The following KCNIP4 variants were observed in gnomAD, a reference collection of about 807,000 sequenced individuals.
KCNIP4 encodes the protein potassium voltage-gated channel interacting protein 4.
Under a neutral mutation model 34.0 loss-of-function variants are expected in KCNIP4, and 12 were observed. The ratio of observed to expected loss-of-function variants is 0.35; its 90% CI spans 0.23 to 0.57. The LOEUF (loss-of-function observed/expected upper bound fraction) is 0.57, where lower values mean the gene tolerates loss of function less well. KCNIP4 is among the 20% of genes least tolerant of loss of function. The pLI is 0.83. For missense variants in KCNIP4, 238 were observed against 311.7 expected (o/e 0.76, Z 1.78); for synonymous variants, 124 against 102.2 (o/e 1.21, Z -1.29).
intron 3 of KCNIP4, among the ~76,000 whole-genome samples, chr4:20,838,453 T>A (rs1719328071): frequency 6.6e-6 from 1 of 152,114 alleles, no homozygotes; most frequent in African/African-American, 2.4e-5. Flanking sequence ...AAATCCAACT[T>A]CTCCTTTTGC....
intron 3 of KCNIP4, among the ~76,000 whole-genome samples, chr4:20,840,808 G>C (rs546463404): frequency 2.6e-5 from 4 of 152,154 alleles, no homozygotes; most frequent in African/African-American, 9.7e-5. Flanking sequence ...ATATGGTGAC[G>C]TGCTGGATAC....
chr4:21,335,612 T>C (rs572896696), intron 1 of KCNIP4, among the ~76,000 whole-genome samples: 2 of 152,266 alleles, frequency 1.3e-5, no homozygotes, highest in South Asian at 4.1e-4. Context: ...CAAACATTAG[T>C]ACAAGAAAAT....
At chr4:21,737,230 A>C (rs1716055225) in intron 1 of KCNIP4, among the ~76,000 whole-genome samples, 1 of 152,144 alleles carries the variant, frequency 6.6e-6, no homozygotes, top group African/African-American at 2.4e-5. Context: ...ACCAATCAAA[A>C]TTTAATGTTC....
At chr4:20,753,972 A>G (rs964380670) in intron 4 of KCNIP4, among the ~76,000 whole-genome samples, 1 of 152,204 alleles carries the variant, frequency 6.6e-6, no homozygotes, top group South Asian at 2.1e-4. Flanking sequence ...TGTAGACAAC[A>G]TAAGTGCATT....
intron 1 of KCNIP4, among the ~76,000 whole-genome samples, chr4:20,923,691 C>T (rs930950313): frequency 6.6e-6 from 1 of 152,176 alleles, no homozygotes; most frequent in Admixed American, 6.5e-5. Flanking sequence ...CTTATTTCTA[C>T]AAAACAATAA....
At chr4:20,791,988 T>G (rs1276862930) in intron 3 of KCNIP4, among the ~76,000 whole-genome samples, 1 of 152,184 alleles carries the variant, frequency 6.6e-6, no homozygotes, top group Non-Finnish European at 1.5e-5. Context: ...CACAGACATG[T>G]AAATCAGTTC....
chr4:21,275,344 T>C (rs1762378536), intron 1 of KCNIP4, among the ~76,000 whole-genome samples: 2 of 152,156 alleles, frequency 1.3e-5, no homozygotes, highest in Non-Finnish European at 2.9e-5. Flanking sequence ...AGTACACTGT[T>C]ATGAGCCCAT....
intron 1 of KCNIP4, among the ~76,000 whole-genome samples, chr4:21,530,418 T>C (rs968239953): frequency 3.9e-5 from 6 of 152,310 alleles, no homozygotes; most frequent in African/African-American, 1.4e-4. Flanking sequence ...AAGTTTTTAT[T>C]CTTTAAATAT....
At chr4:20,827,356 A>G (rs1194189928) in intron 3 of KCNIP4, among the ~76,000 whole-genome samples, 3 of 152,200 alleles carry the variant, frequency 2.0e-5, no homozygotes, top group South Asian at 4.1e-4. Flanking sequence ...CTTGACTTGC[A>G]GATGACTAGC....
chr4:20,972,115 C>A (rs887098381), intron 1 of KCNIP4, among the ~76,000 whole-genome samples: 2 of 152,104 alleles, frequency 1.3e-5, no homozygotes, highest in Non-Finnish European at 2.9e-5. Flanking sequence ...GCTATTTCCA[C>A]CACATTTACA....
chr4:21,574,204 A>T (rs1302926842), intron 1 of KCNIP4, among the ~76,000 whole-genome samples: 1 of 152,156 alleles, frequency 6.6e-6, no homozygotes, highest in Non-Finnish European at 1.5e-5. Flanking sequence ...TAATAAAAAA[A>T]TTAATATTTG....
At chr4:21,469,155 C>T (rs1054922977) in intron 1 of KCNIP4, among the ~76,000 whole-genome samples, 5 of 152,118 alleles carry the variant, frequency 3.3e-5, no homozygotes, top group Admixed American at 6.6e-5. Context: ...GCCTTAACCT[C>T]CTAGGCTCAA....
At position 21,513,956 on chromosome 4, in the gene KCNIP4, C is replaced by A. The variant is rs547835222; in HGVS notation, c.61+434615G>T. On this transcript the variant is annotated intron_variant, in intron 1 of 8. Coordinates refer to ENST00000382152, the MANE Select transcript of KCNIP4 (RefSeq NM_025221.6). ...AAATAGCACCTCCTACACAAGAAAA[C>A]AGGTTAAAATTATGATCAAACACTA... Among the ~76,000 whole-genome samples the A allele has an allele frequency of 2.0e-5, 3 of 152,110 alleles. No individual in the cohort carries two copies. The South Asian group carries it at 6.2e-4, about 31-fold the overall frequency.
intron 1 of KCNIP4, among the ~76,000 whole-genome samples, chr4:21,829,054 A>T (rs1451682020): frequency 6.8e-6 from 1 of 146,874 alleles, no homozygotes; most frequent in East Asian, 2.0e-4. Context: ...TATTCTAAGT[A>T]AAAAAAAAAA....
chr4:21,528,872 G>GAAGA lies in KCNIP4; in HGVS notation c.61+419698_61+419699insTCTT, dbSNP rs796654818. Among the ~76,000 whole-genome samples, 12 of 131,774 alleles carry GAAGA rather than the reference G, an allele frequency of 9.1e-5. 2 individuals are homozygous for GAAGA. The highest frequency in any genetic ancestry group is 2.6e-4 in the South Asian group (1 of 3,910). The allele number at this position is 131,774 out of a possible 152,430, so 86.4% of individuals were successfully genotyped here. On this transcript the variant is annotated intron_variant, in intron 1 of 8. Coordinates refer to ENST00000382152, the MANE Select transcript of KCNIP4 (RefSeq NM_025221.6). The stretch of plus-strand genomic sequence containing the variant: ...GGAAGGAAGGAAGGAAGGAAGGAAG[G>GAAGA]GAAATTCAATTTTGGGGGTTGTGGC...
At chr4:21,670,372 G>A (rs1287625614) in intron 1 of KCNIP4, among the ~76,000 whole-genome samples, 1 of 138,924 alleles carries the variant, frequency 7.2e-6, no homozygotes, top group Non-Finnish European at 1.5e-5. Context: ...ATTGAACAAT[G>A]AGATCACATG....
At chr4:21,034,564 C>T (rs955952824) in intron 1 of KCNIP4, among the ~76,000 whole-genome samples, 3 of 152,216 alleles carry the variant, frequency 2.0e-5, no homozygotes, top group Admixed American at 2.0e-4. Flanking sequence ...TGTGATACTT[C>T]CCAAAGTTGA....
At chr4:21,710,707 G>T (rs1713658214) in intron 1 of KCNIP4, among the ~76,000 whole-genome samples, 1 of 152,098 alleles carries the variant, frequency 6.6e-6, no homozygotes. Flanking sequence ...CTAAAGTTGG[G>T]CAAGCTGCTT....
rs537543936 is a variant in KCNIP4, at chr4:21,691,966, G to A, written c.61+256605C>T. Among the ~76,000 whole-genome samples, 70 of 152,070 alleles carry A rather than the reference G, an allele frequency of 4.6e-4. 1 individual carries two copies. Among genetic ancestry groups the A allele is most frequent in the South Asian group, 2.1e-3 (10 of 4,806 alleles). ...ACCCACCTCAGCCTCCCAAAGTGCC[G>A]GGATTACAGGCGTGATCCACCGCAC... On this transcript the variant is annotated intron_variant, in intron 1 of 8. Transcript: ENST00000382152.
Sources: allele counts gnomAD v4.1 joint callset (sites outside exome capture counted in the v4.1 genomes callset), GRCh38; gene constraint gnomAD v4.1.1; transcripts MANE v1.5; gene names NCBI Gene and HGNC (gene_info 2026-07-23, HGNC 2026-07-21).